The following AFAP1 variants were observed in gnomAD, a reference collection of about 807,000 sequenced individuals.
The protein encoded by AFAP1 is actin filament-associated protein 1.
In AFAP1, 75 loss-of-function variants were observed where a neutral mutation model predicts 93.9. That is an observed-to-expected ratio of 0.80 (90% CI 0.66 to 0.97). The LOEUF (loss-of-function observed/expected upper bound fraction) is 0.97, where lower values mean the gene tolerates loss of function less well. Among genes scored for constraint, AFAP1 ranks in the 50% least tolerant of loss-of-function variants. AFAP1 has a pLI of 0.00. For missense variants in AFAP1, 1,201 were observed against 1,050.8 expected (o/e 1.14, Z -1.98); for synonymous variants, 517 against 430.7 (o/e 1.20, Z -2.48).
chr4:7,765,401 C>A (rs1179743659), intron 17 of AFAP1, among the ~76,000 whole-genome samples: 3 of 152,240 alleles, frequency 2.0e-5, no homozygotes, highest in Admixed American at 2.0e-4. Context: ...ATGCTCCCAT[C>A]TTCTGTGCAG....
At chr4:7,927,876 T>C (rs975387826) in intron 1 of AFAP1, among the ~76,000 whole-genome samples, 3 of 152,176 alleles carry the variant, frequency 2.0e-5, no homozygotes, top group Admixed American at 6.5e-5. Flanking sequence ...CCCAAACACA[T>C]AGCAGAACAA....
At chr4:7,846,625 T>A (rs957776585) in intron 4 of AFAP1, among the ~76,000 whole-genome samples, 1 of 152,254 alleles carries the variant, frequency 6.6e-6, no homozygotes, top group Non-Finnish European at 1.5e-5. Flanking sequence ...GAAAACTACC[T>A]TTAATTTCAC....
chr4:7,798,901 C>T (rs1173395709), intron 10 of AFAP1: 1 of 987,414 alleles, frequency 1.0e-6, no homozygotes, highest in Non-Finnish European at 1.2e-6. Flanking sequence ...GTATCTTACC[C>T]GTGCCAATTC....
intron 4 of AFAP1, among the ~76,000 whole-genome samples, chr4:7,845,068 C>A (rs1228852939): frequency 6.6e-6 from 1 of 152,158 alleles, no homozygotes; most frequent in Non-Finnish European, 1.5e-5. Context: ...TGCAAAGATT[C>A]AATACTAGCA....
intron 6 of AFAP1, among the ~76,000 whole-genome samples, chr4:7,824,175 G>A (rs533883760): frequency 6.6e-6 from 1 of 152,178 alleles, no homozygotes; most frequent in Admixed American, 6.5e-5. Flanking sequence ...TCTACTTGAA[G>A]AGCCATGTCC....
intron 2 of AFAP1, among the ~76,000 whole-genome samples, chr4:7,871,485 C>T (rs1717036059): frequency 6.6e-6 from 1 of 152,166 alleles, no homozygotes; most frequent in Non-Finnish European, 1.5e-5. Context: ...GAGCTTGCTG[C>T]GTTTTTATTG....
chr4:7,812,197 G>A (rs767135574), intron 8 of AFAP1, among the ~76,000 whole-genome samples: 105 of 152,110 alleles, frequency 6.9e-4, no homozygotes, highest in African/African-American at 2.5e-3. Flanking sequence ...ATTCCCGTGA[G>A]CTTTACAAAG....
At chr4:7,885,487 G>A (rs181453408) in intron 1 of AFAP1, among the ~76,000 whole-genome samples, 7 of 152,204 alleles carry the variant, frequency 4.6e-5, no homozygotes, top group Admixed American at 2.6e-4. Flanking sequence ...CCTCTCTCCC[G>A]CTATGCTGTA....
chr4:7,785,749 C>T (rs1291062119), intron 12 of AFAP1, among the ~76,000 whole-genome samples: 1 of 151,954 alleles, frequency 6.6e-6, no homozygotes, highest in Non-Finnish European at 1.5e-5. Context: ...CTGGCCTTGC[C>T]AATATAGGGA....
At chr4:7,796,482 G>C (rs945418961) in intron 10 of AFAP1, among the ~76,000 whole-genome samples, 1 of 152,186 alleles carries the variant, frequency 6.6e-6, no homozygotes, top group Non-Finnish European at 1.5e-5. Context: ...AGGCGCAGTG[G>C]CTCACGCCTG....
At chr4:7,844,601 T>C (rs1474528030) in intron 4 of AFAP1, among the ~76,000 whole-genome samples, 2 of 152,182 alleles carry the variant, frequency 1.3e-5, no homozygotes, top group East Asian at 3.9e-4. Context: ...GACCATCTCG[T>C]TGGCGGTGAT....
chr4:7,864,974 A>C (rs1246168641), intron 3 of AFAP1, among the ~76,000 whole-genome samples: 1 of 152,056 alleles, frequency 6.6e-6, no homozygotes, highest in Admixed American at 6.6e-5. Context: ...TAAGGACCTG[A>C]CTCTTAAACA....
intron 1 of AFAP1, among the ~76,000 whole-genome samples, chr4:7,933,911 A>G (rs540042169): frequency 5.3e-5 from 8 of 152,348 alleles, no homozygotes; most frequent in African/African-American, 1.7e-4. Context: ...AGATGATACA[A>G]TTTCAATTAT....
chr4:7,822,070 C>T (rs1414169010), intron 6 of AFAP1, among the ~76,000 whole-genome samples: 2 of 147,976 alleles, frequency 1.4e-5, no homozygotes, highest in African/African-American at 2.4e-5. Flanking sequence ...TTTACTCCCT[C>T]ACCTACCCTA....
chr4:7,792,602 T>TA (rs200223297), intron 11 of AFAP1, among the ~76,000 whole-genome samples: 3,340 of 151,554 alleles, frequency 0.022, 121 homozygotes, highest in African/African-American at 0.074. Flanking sequence ...AAAGTAAAAA[T>TA]AAAAAAAAAT....
rs1713818856 is a variant in AFAP1, at chr4:7,761,657, C to CCAAT, written c.*2104_*2107dup. 1 of 152,274 alleles carries CCAAT rather than the reference C, an allele frequency of 6.6e-6. No individual in the cohort carries two copies. The highest frequency in any genetic ancestry group is 1.5e-5 in the Non-Finnish European group (1 of 68,066). The allele number at this position is 152,274 out of a possible 1,614,324, so 9.4% of individuals were successfully genotyped here. A position where few individuals can be genotyped will look rare whatever the true frequency, so the allele number is the denominator to read the frequency against. ...CAGTTCTCTTTGGCAAAGCAGGCTG[C>CCAAT]CAATCAGAGTGGCCCAAGAGTGTCA... On this transcript the variant is annotated 3_prime_UTR_variant, in exon 18 of 18. Transcript: ENST00000420658.
chr4:7,855,711 G>A lies in AFAP1; in HGVS notation c.226-137C>T, dbSNP rs975853862. On this transcript the variant is annotated intron_variant, in intron 3 of 17. Transcript: ENST00000420658. ...TCGGCAAAAGAGAACCTCATCCTAC[G>A]AAGAGGCTTGGAAGGCCAGCCCTGA... The A allele has an allele frequency of 4.8e-5, 35 of 733,030 alleles. No homozygotes were observed. In the East Asian group the frequency reaches 5.9e-4, roughly 12 times the overall value. 45.4% of individuals were successfully genotyped at this position (733,030 alleles called of 1,614,324 possible).
At chr4:7,803,075 G>A (rs926588995) in intron 9 of AFAP1, among the ~76,000 whole-genome samples, 28 of 152,304 alleles carry the variant, frequency 1.8e-4, no homozygotes, top group African/African-American at 6.5e-4. Context: ...CATGCTGAAA[G>A]CCGACACTTT....
chr4:7,890,447 T>C (rs995155356), intron 1 of AFAP1, among the ~76,000 whole-genome samples: 2 of 151,960 alleles, frequency 1.3e-5, no homozygotes, highest in East Asian at 1.9e-4. Flanking sequence ...TAGGCAAAAA[T>C]ATTTATGACT....
Sources: allele counts gnomAD v4.1 joint callset (sites outside exome capture counted in the v4.1 genomes callset), GRCh38; gene constraint gnomAD v4.1.1; transcripts MANE v1.5; gene names NCBI Gene and HGNC (gene_info 2026-07-23, HGNC 2026-07-21).